The following STK32C variants were observed in gnomAD, a reference collection of about 807,000 sequenced individuals.
The protein encoded by STK32C is serine/threonine kinase 32C.
STK32C carries 31 observed loss-of-function variants against 56.5 expected under a neutral mutation model. The ratio of observed to expected loss-of-function variants is 0.55; its 90% CI spans 0.41 to 0.74. The LOEUF is 0.74. Among genes scored for constraint, STK32C ranks in the 30% least tolerant of loss-of-function variants. STK32C has a pLI of 0.00. For missense variants in STK32C, 544 were observed against 676.9 expected (o/e 0.80, Z 2.18); for synonymous variants, 309 against 289.4 (o/e 1.07, Z -0.69).
chr10:132,211,642 T>C (rs1565059588), intron 10 of STK32C, among the ~76,000 whole-genome samples: 1 of 152,206 alleles, frequency 6.6e-6, no homozygotes, highest in Non-Finnish European at 1.5e-5. Flanking sequence ...TGCCCTGCTC[T>C]TCCTCTGACA....
chr10:132,226,227 A>T (rs2062883676), intron 4 of STK32C, among the ~76,000 whole-genome samples: 1 of 152,258 alleles, frequency 6.6e-6, no homozygotes, highest in South Asian at 2.1e-4. Flanking sequence ...GCAGAAATGC[A>T]AACACCAGTC....
intron 1 of STK32C, among the ~76,000 whole-genome samples, chr10:132,293,817 C>A (rs1447599380): frequency 6.6e-6 from 1 of 152,180 alleles, no homozygotes; most frequent in African/African-American, 2.4e-5. Flanking sequence ...GTGGGGACAG[C>A]CCCGAGGAAG....
At chr10:132,267,433 G>A (rs1190490829) in intron 1 of STK32C, among the ~76,000 whole-genome samples, 1 of 152,216 alleles carries the variant, frequency 6.6e-6, no homozygotes, top group Non-Finnish European at 1.5e-5. Context: ...TTCTGTGCAT[G>A]TGTGTCAGTG....
Position 132,255,585 on chromosome 10 carries a change from T to G in STK32C, c.263-9630A>C, listed in dbSNP as rs1590285052. 6.6e-6 allele frequency among the ~76,000 whole-genome samples: 1 copy of G among 152,048 alleles called. No homozygotes were observed. The highest frequency in any genetic ancestry group is 6.5e-5 in the Admixed American group (1 of 15,274). On this transcript the variant is annotated intron_variant, in intron 1 of 11. Transcript: ENST00000298630. The surrounding 1 kb of genome is among the most constrained non-coding windows in gnomAD (Gnocchi z 4.6). Reference sequence around the variant, plus strand: ...CAGCGGAGAACATAGAGCAGAAGCGTCCAGCCACAGCAGCACCCAGGAGAG... The same window carrying G: ...CAGCGGAGAACATAGAGCAGAAGCGGCCAGCCACAGCAGCACCCAGGAGAG...
At chr10:132,300,546 T>G (rs1435093317) in intron 1 of STK32C, among the ~76,000 whole-genome samples, 3 of 152,268 alleles carry the variant, frequency 2.0e-5, no homozygotes, top group African/African-American at 7.2e-5. Flanking sequence ...ATGAGGAAAC[T>G]GTTTTCTGAT....
At chr10:132,257,687 A>G (rs1404797895) in intron 1 of STK32C, among the ~76,000 whole-genome samples, 1 of 150,792 alleles carries the variant, frequency 6.6e-6, no homozygotes, top group Non-Finnish European at 1.5e-5. Flanking sequence ...CTGTGAGCCA[A>G]TGATGGCAAT....
downstream of STK32C, among the ~76,000 whole-genome samples, chr10:132,319,229 G>A (rs955567146): frequency 3.9e-5 from 6 of 152,208 alleles, no homozygotes; most frequent in South Asian, 2.1e-4. Context: ...GATTACAGGC[G>A]TGAGCCACCA....
intron 7 of STK32C, 42 bp downstream of exon 7, chr10:132,225,191 G>C: frequency 6.6e-7 from 1 of 1,519,524 alleles, no homozygotes; most frequent in Non-Finnish European, 8.9e-7. Flanking sequence ...GCAGAGAGCA[G>C]GGGCCTGGCA....
At chr10:132,318,869 A>T (rs1363029114) in intron 1 of STK32C, among the ~76,000 whole-genome samples, 1 of 65,500 alleles carries the variant, frequency 1.5e-5, no homozygotes, top group Non-Finnish European at 3.0e-5. Context: ...GCCATAATTA[A>T]AAAAAAAAAA....
chr10:132,286,473 G>T (rs576621025), intron 1 of STK32C, among the ~76,000 whole-genome samples: 21 of 152,292 alleles, frequency 1.4e-4, no homozygotes, highest in African/African-American at 5.1e-4. Context: ...CAAGGACACT[G>T]CAGGAAAGAA....
chr10:132,271,141 C>T (rs2064806913), intron 1 of STK32C, among the ~76,000 whole-genome samples: 1 of 152,134 alleles, frequency 6.6e-6, no homozygotes, highest in African/African-American at 2.4e-5. Context: ...TGAGGAGTGT[C>T]CTAACCGGGG....
At chr10:132,211,268 G>T (rs558910409) in intron 10 of STK32C, among the ~76,000 whole-genome samples, 1 of 152,166 alleles carries the variant, frequency 6.6e-6, no homozygotes, top group Non-Finnish European at 1.5e-5. Context: ...GACTACTCAG[G>T]AATGAGGGTC....
chr10:132,229,565 T>C (rs1408047534), intron 2 of STK32C, among the ~76,000 whole-genome samples: 1 of 152,242 alleles, frequency 6.6e-6, no homozygotes, highest in Non-Finnish European at 1.5e-5. Flanking sequence ...CTGCCACGAA[T>C]GGTAACATGT....
intron 2 of STK32C, among the ~76,000 whole-genome samples, chr10:132,230,789 C>A (rs2063074840): frequency 6.6e-6 from 1 of 151,844 alleles, no homozygotes; most frequent in Non-Finnish European, 1.5e-5. Flanking sequence ...CGCTTGTGCA[C>A]CACCCCAGAA....
chr10:132,311,905 G>A (rs1422844571), upstream of STK32C, among the ~76,000 whole-genome samples: 1 of 152,160 alleles, frequency 6.6e-6, no homozygotes, highest in Non-Finnish European at 1.5e-5. The surrounding 1 kb of genome is among the most constrained non-coding windows in gnomAD (Gnocchi z 4.4). Flanking sequence ...GGTGGCAAAA[G>A]GCCACCATTT....
Position 132,208,002 on chromosome 10 carries a change from GTCCCGGCCTAGCCGC to G in STK32C, c.1454_*7del, listed in dbSNP as rs768695819. ...AGCTCAAGGGGTGAGGACCACGGGC[GTCCCGGCCTAGCCGC>G]TCCCGGCCGAGGGGCAAATGGGGCC... On this transcript the variant is annotated stop_lost and 3_prime_UTR_variant, in exon 12 of 12. Transcript: ENST00000298630. The G allele has an allele frequency of 8.4e-6, 11 of 1,303,354 alleles. No homozygotes were observed. The East Asian group carries it at 2.8e-4, about 34-fold the overall frequency. 80.7% of individuals were successfully genotyped at this position (1,303,354 alleles called of 1,614,324 possible). A position where few individuals can be genotyped will look rare whatever the true frequency, so the allele number is the denominator to read the frequency against.
intron 1 of STK32C, among the ~76,000 whole-genome samples, chr10:132,272,262 G>T (rs2064851571): frequency 6.6e-6 from 1 of 152,218 alleles, no homozygotes; most frequent in African/African-American, 2.4e-5. Context: ...CAGAGGAATG[G>T]CCACGTGAGG....
chr10:132,250,024 G>T (rs556437736), intron 1 of STK32C, among the ~76,000 whole-genome samples: 3 of 152,268 alleles, frequency 2.0e-5, no homozygotes, highest in Non-Finnish European at 4.4e-5. Flanking sequence ...GGAGCAATAT[G>T]TAATCAGCCT....
chr10:132,305,596 G>T (rs1281503992), intron 1 of STK32C, among the ~76,000 whole-genome samples: 1 of 152,200 alleles, frequency 6.6e-6, no homozygotes, highest in African/African-American at 2.4e-5. Context: ...CCTGAAAGGG[G>T]TGGGACTCAG....
Sources: allele counts gnomAD v4.1 joint callset (sites outside exome capture counted in the v4.1 genomes callset), GRCh38; gene constraint gnomAD v4.1.1; non-coding constraint Gnocchi (gnomAD v3.1); transcripts MANE v1.5; gene names NCBI Gene and HGNC (gene_info 2026-07-23, HGNC 2026-07-21).